ACSBG2: variants seen among roughly 807,000 people sequenced by gnomAD.
ACSBG2 encodes long-chain-fatty-acid--CoA ligase ACSBG2.
A neutral mutation model predicts 74.7 loss-of-function variants in ACSBG2; 62 were observed. The observed-to-expected ratio is 0.83, with a 90% CI of 0.68 to 1.03. The LOEUF (loss-of-function observed/expected upper bound fraction) is 1.03, where lower values mean the gene tolerates loss of function less well. Among genes scored for constraint, ACSBG2 ranks in the 50% least tolerant of loss-of-function variants. ACSBG2 has a pLI of 0.00. For synonymous variants in ACSBG2, 309 were observed against 294.1 expected, an observed-to-expected ratio of 1.05 and a Z score of -0.52; for missense variants, 730 against 817.6, an observed-to-expected ratio of 0.89 and a Z score of 1.31.
At chr19:6,175,594 G>A (rs79405277) in intron 7 of ACSBG2, among the ~76,000 whole-genome samples, 15,887 of 152,062 alleles carry the variant, frequency 0.1, 1,660 homozygotes, top group African/African-American at 0.27. Context: ...TTCCAAGCAG[G>A]GGGAATAGCC....
In ACSBG2 at chr19:6,183,039, G is replaced by C. The variant is rs776819900; in HGVS notation, c.1089G>C (p.Gly363=). The change falls in exon 10 of 15, where the codon GGG becomes GGC. Residue 363 remains glycine (G), a splice_region_variant and synonymous_variant. Coordinates refer to ENST00000588485, the MANE Select transcript of ACSBG2 (RefSeq NM_030924.5). ...CACTTGACGGCATTCTTATTCACAG[G>C]AAATATAATACTCCCGTGAGCTACC... ...GFKVNSKKML[G]KYNTPVSYRM... is the part of the protein sequence containing the mutation. The C allele has an allele frequency of 6.2e-7, 1 of 1,614,046 alleles. No homozygotes were observed. The highest frequency in any genetic ancestry group is 1.7e-5 in the Admixed American group (1 of 60,010).
Position 6,183,123 on chromosome 19 carries a change from TCA to T in ACSBG2, c.1175_1176del (p.His392LeufsTer32). 2.5e-6 allele frequency: 4 copies of T among 1,614,214 alleles called. No individual in the cohort carries two copies. Among genetic ancestry groups the T allele is most frequent in the Non-Finnish European group, 3.4e-6 (4 of 1,180,048 alleles). On this transcript the variant is annotated frameshift_variant, in exon 10 of 15. Transcript: ENST00000588485. LOFTEE classifies it high-confidence loss of function. ...VKTSLGLDHC[H>X]SFISGTAPLN... ...AGACATCCCTTGGCTTGGATCACTGTCACTCTTTTATCAGTGGGACTGCGCCC... is the reference window on the plus strand; with the variant it reads ...AGACATCCCTTGGCTTGGATCACTGTCTCTTTTATCAGTGGGACTGCGCCC...
At chr19:6,153,787 G>A (rs2089313631) in intron 4 of ACSBG2, among the ~76,000 whole-genome samples, 1 of 151,652 alleles carries the variant, frequency 6.6e-6, no homozygotes, top group African/African-American at 2.4e-5. Flanking sequence ...AGTTGAGACT[G>A]CAGTGAATTA....
In ACSBG2 at chr19:6,182,604, T is replaced by C. The variant is rs556572492; in HGVS notation, c.907-147T>C. 14 of 724,488 alleles carry C rather than the reference T, an allele frequency of 1.9e-5. No individual in the cohort carries two copies. The East Asian group carries it at 3.3e-4, about 17-fold the overall frequency. 44.9% of individuals were successfully genotyped at this position (724,488 alleles called of 1,614,324 possible). ...AAATCTGACTGGCCAACCCAGCTAATGGGTTGTCTCCTTTTGGTTGGGAGT... is the reference window on the plus strand; with the variant it reads ...AAATCTGACTGGCCAACCCAGCTAACGGGTTGTCTCCTTTTGGTTGGGAGT... On this transcript the variant is annotated intron_variant, in intron 8 of 14. Coordinates refer to ENST00000588485, the MANE Select transcript of ACSBG2 (RefSeq NM_030924.5).
Position 6,151,719 on chromosome 19 carries a change from C to T in ACSBG2, c.310C>T (p.Arg104Cys), listed in dbSNP as rs182356930. The T allele has an allele frequency of 2.5e-4, 405 of 1,599,226 alleles. No individual in the cohort carries two copies. Among genetic ancestry groups the T allele is most frequent in the Non-Finnish European group, 3.2e-4 (380 of 1,172,436 alleles). The change falls in exon 4 of 15, where the codon CGT becomes TGT. Residue 104 changes from arginine (R) to cysteine (C), a missense_variant. Coordinates refer to ENST00000588485, the MANE Select transcript of ACSBG2 (RefSeq NM_030924.5). Reference protein sequence around the residue: ...AKSLIKLGLERFHGVGILGFN... With the variant: ...AKSLIKLGLECFHGVGILGFN... ...TTTTCCTTCCCAGCTGGGTTTGGAG[C>T]GTTTCCACGGAGTTGGTATCCTGGG...
chr19:6,170,529 T>C (rs1230681601), intron 7 of ACSBG2, among the ~76,000 whole-genome samples: 2 of 152,222 alleles, frequency 1.3e-5, no homozygotes, highest in Non-Finnish European at 2.9e-5. Flanking sequence ...AGTTGCTTAG[T>C]TTCCATGTAT....
chr19:6,176,252 C>T, intron 7 of ACSBG2: 1 of 1,322,718 alleles, frequency 7.6e-7, no homozygotes. Context: ...GAAGTGGGGG[C>T]CCCAGGTCCT....
chr19:6,144,154 C>T lies in ACSBG2; in HGVS notation c.67+2544C>T, dbSNP rs911019792. ...CTGGGACAACAGGCGCGTGCCACCA[C>T]GCCTGGCTAATTTTTGTATTTTTAG... is the stretch of plus-strand genomic sequence containing the variant. On this transcript the variant is annotated intron_variant, in intron 2 of 14. Coordinates refer to ENST00000588485, the MANE Select transcript of ACSBG2 (RefSeq NM_030924.5). 3.3e-5 allele frequency among the ~76,000 whole-genome samples: 5 copies of T among 152,078 alleles called. No individual in the cohort carries two copies. In the East Asian group the frequency reaches 5.8e-4, roughly 18 times the overall value.
intron 2 of ACSBG2, among the ~76,000 whole-genome samples, chr19:6,145,233 T>C (rs558285339): frequency 2.0e-5 from 3 of 152,070 alleles, no homozygotes; most frequent in South Asian, 4.1e-4. Flanking sequence ...TCATCTCTAC[T>C]AAAAATACAA....
chr19:6,160,139 C>A (rs907591248), intron 5 of ACSBG2, among the ~76,000 whole-genome samples: 4 of 151,998 alleles, frequency 2.6e-5, no homozygotes, highest in African/African-American at 9.7e-5. Flanking sequence ...GCCTGTAATC[C>A]CAGCACTTTG....
In ACSBG2 at chr19:6,163,454, A is replaced by G. The variant is rs1480311158; in HGVS notation, c.588+2159A>G. ...AAAGAGCGAGACTCCATCTAAAAAA[A>G]AAAAGGCTGGGTGTGGTGGCTCATG... On this transcript the variant is annotated intron_variant, in intron 6 of 14. Coordinates refer to ENST00000588485, the MANE Select transcript of ACSBG2 (RefSeq NM_030924.5). Among the ~76,000 whole-genome samples the G allele has an allele frequency of 2.8e-4, 9 of 32,642 alleles. 3 individuals carry two copies. Among genetic ancestry groups the G allele is most frequent in the African/African-American group, 5.4e-4 (9 of 16,614 alleles). 21.4% of individuals were successfully genotyped at this position (32,642 alleles called of 152,430 possible).
Position 6,189,130 on chromosome 19 carries a change from C to T in ACSBG2, c.1927+1285C>T, listed in dbSNP as rs550238391. On this transcript the variant is annotated intron_variant, in intron 13 of 14. Transcript: ENST00000588485. ...GTGTGGCTGATTTTAGTTTGTCCCCCTCCCTTCTTCTCTGATTAATATTAT... is the reference window on the plus strand; with the variant it reads ...GTGTGGCTGATTTTAGTTTGTCCCCTTCCCTTCTTCTCTGATTAATATTAT... 2.0e-5 allele frequency among the ~76,000 whole-genome samples: 3 copies of T among 152,178 alleles called. No individual in the cohort carries two copies. In the East Asian group the frequency reaches 5.8e-4, roughly 29 times the overall value.
Position 6,172,472 on chromosome 19 carries a change from G to C in ACSBG2, c.739-4757G>C, listed in dbSNP as rs564295711. Among the ~76,000 whole-genome samples, 288 of 151,428 alleles carry C rather than the reference G, an allele frequency of 1.9e-3. 1 individual carries two copies. Among genetic ancestry groups the C allele is most frequent in the Middle Eastern group, 6.8e-3 (2 of 294 alleles). On this transcript the variant is annotated intron_variant, in intron 7 of 14. Transcript: ENST00000588485. ...GCCAAAGGTCTGTATGGGTTCCACG[G>C]TTGTGGACAGCTTCTGTGCAGTGGC...
chr19:6,166,186 G>T (rs1163839353), intron 7 of ACSBG2, among the ~76,000 whole-genome samples, 171 bp downstream of exon 7: 1 of 152,004 alleles, frequency 6.6e-6, no homozygotes, highest in African/African-American at 2.4e-5. Context: ...TGCAGTGATT[G>T]AGATCAAGGA....
chr19:6,170,485 T>C (rs2089935816), intron 7 of ACSBG2, among the ~76,000 whole-genome samples: 2 of 152,176 alleles, frequency 1.3e-5, no homozygotes. Context: ...TTATTGCTTC[T>C]TTAATTTGTT....
At chr19:6,155,278 C>A (rs947546185) in intron 4 of ACSBG2, among the ~76,000 whole-genome samples, 1 of 152,108 alleles carries the variant, frequency 6.6e-6, no homozygotes, top group Non-Finnish European at 1.5e-5. Flanking sequence ...CCCTACCTCA[C>A]ATCATATGCA....
rs538513457 is a variant in ACSBG2 at position 6,168,743 on chromosome 19, AT to A, written c.738+2730del. On this transcript the variant is annotated intron_variant, in intron 7 of 14. Coordinates refer to ENST00000588485, the MANE Select transcript of ACSBG2 (RefSeq NM_030924.5). Reference sequence around the variant, plus strand: ...TTTTAAAGGGGCTGGTTTTTTTCTTATTAAGTTCCTTATAGATTCTGAATAT... The same window carrying A: ...TTTTAAAGGGGCTGGTTTTTTTCTTATAAGTTCCTTATAGATTCTGAATAT... Among the ~76,000 whole-genome samples, 304 of 152,252 alleles carry A rather than the reference AT, an allele frequency of 2.0e-3. 3 individuals are homozygous for A. The highest frequency in any genetic ancestry group is 6.8e-3 in the African/African-American group (283 of 41,554).
At chr19:6,160,816 G>A (rs547715003) in intron 5 of ACSBG2, 1 of 163,154 alleles carries the variant, frequency 6.1e-6, no homozygotes, top group Non-Finnish European at 1.3e-5. Flanking sequence ...AAAGAGGCTG[G>A]AGGCTGGGCA....
intron 1 of ACSBG2, among the ~76,000 whole-genome samples, chr19:6,136,857 A>T (rs1322045461): frequency 6.6e-6 from 1 of 152,164 alleles, no homozygotes; most frequent in Non-Finnish European, 1.5e-5. Context: ...GGCCTCCCAA[A>T]GTGCTGGGAT....
Sources: allele counts gnomAD v4.1 joint callset (sites outside exome capture counted in the v4.1 genomes callset), GRCh38; gene constraint gnomAD v4.1.1; transcripts MANE v1.5; gene names NCBI Gene and HGNC (gene_info 2026-07-23, HGNC 2026-07-21).